The following PER3 variants were observed in gnomAD, a reference collection of about 807,000 sequenced individuals.
The protein encoded by PER3 is period circadian regulator 3.
Under a neutral mutation model 127.2 loss-of-function variants are expected in PER3, and 107 were observed. The observed-to-expected ratio is 0.84, with a 90% CI of 0.72 to 0.99. The LOEUF (loss-of-function observed/expected upper bound fraction) is 0.99. PER3 is among the 50% of genes least tolerant of loss of function. PER3 has a pLI of 0.00. For synonymous variants in PER3, 618 were observed against 585.8 expected, an observed-to-expected ratio of 1.05 and a Z score of -0.79; for missense variants, 1,560 against 1,525.8, an observed-to-expected ratio of 1.02 and a Z score of -0.37.
rs2097078164 is a variant in PER3, at chr1:7,784,915, G to A, written c.38G>A (p.Gly13Glu). 1 of 1,528,310 alleles carries A rather than the reference G, an allele frequency of 6.5e-7. No homozygotes were observed. Among genetic ancestry groups the A allele is most frequent in the African/African-American group, 1.5e-5 (1 of 68,450 alleles). The allele number at this position is 1,528,310 out of a possible 1,614,324, so 94.7% of individuals were successfully genotyped here. A position where few individuals can be genotyped will look rare whatever the true frequency, so the allele number is the denominator to read the frequency against. ...GAAGCTCCTGGCCCCGGGAGACGGG[G>A]GGCTAAGGACGAGGCCCTGGGCGAA... is the stretch of plus-strand genomic sequence containing the variant. ...RGEAPGPGRR[G>E]AKDEALGEES... Residue 13 changes from glycine (G) to glutamate (E), a missense_variant, in exon 2 of 22, where the codon GGG becomes GAG. Transcript: ENST00000377532.
Position 7,843,468 on chromosome 1 carries a change from T to C in PER3, c.*713T>C, listed in dbSNP as rs896374725. Reference sequence around the variant, plus strand: ...TTGTAAGTTTCAGTTAGCATTTGCATGTGTAATATTAAAATGAAAGAGCTT... The same window carrying C: ...TTGTAAGTTTCAGTTAGCATTTGCACGTGTAATATTAAAATGAAAGAGCTT... On this transcript the variant is annotated 3_prime_UTR_variant, in exon 22 of 22. Coordinates refer to ENST00000377532, the MANE Select transcript of PER3 (RefSeq NM_001377275.1). 8 of 152,500 alleles carry C rather than the reference T, an allele frequency of 5.2e-5. 1 individual carries two copies. Among genetic ancestry groups the C allele is most frequent in the African/African-American group, 1.9e-4 (8 of 41,588 alleles). 9.4% of individuals were successfully genotyped at this position (152,500 alleles called of 1,614,324 possible). A position where few individuals can be genotyped will look rare whatever the true frequency, so the allele number is the denominator to read the frequency against.
rs377164941 is a variant in PER3, at chr1:7,820,517, C to T, written c.1834C>T (p.Arg612Trp). ...TAAATCAGAAATGCCAACAAATGGA[C>T]GGTCCATAGACACAGGAGGAGGAGC... Reference protein sequence around the residue: ...IPKSEMPTNGRSIDTGGGAPQ... With the variant: ...IPKSEMPTNGWSIDTGGGAPQ... Residue 612 changes from arginine (R) to tryptophan (W), a missense_variant, in exon 16 of 22, where the codon CGG (arginine) becomes TGG (tryptophan). Arg to Trp is a moderately radical substitution (Grantham distance 101). Around this residue, in one of 3 missense-constraint regions of PER3, gnomAD observed 1,332 missense variants for 1,223.6 expected, o/e 1.09. Transcript: ENST00000377532. 33 of 1,613,802 alleles carry T rather than the reference C, an allele frequency of 2.0e-5. No individual in the cohort carries two copies. The highest frequency in any genetic ancestry group is 3.3e-5 in the Admixed American group (2 of 59,966).
intron 21 of PER3, among the ~76,000 whole-genome samples, chr1:7,837,407 A>G (rs2097363562): frequency 6.6e-6 from 1 of 152,180 alleles, no homozygotes; most frequent in Non-Finnish European, 1.5e-5. Context: ...TTCTTCTACC[A>G]GTTGGAATGT....
intron 6 of PER3, among the ~76,000 whole-genome samples, chr1:7,796,444 A>G (rs228683): frequency 0.97 from 146,588 of 151,710 alleles, 70,840 homozygotes; most frequent in East Asian, 1. Flanking sequence ...TCAGCCTCCC[A>G]AGTAGCTGGG....
At chr1:7,812,603 C>A (rs2097224078) in intron 13 of PER3, among the ~76,000 whole-genome samples, 1 of 111,772 alleles carries the variant, frequency 8.9e-6, no homozygotes, top group Admixed American at 1.3e-4. Context: ...CCAGCCTGGG[C>A]AACAGAGCAA....
In PER3 at chr1:7,827,681, C is replaced by G; in HGVS notation, c.2752C>G (p.Gln918Glu). The G allele has an allele frequency of 1.1e-5, 17 of 1,614,152 alleles. No individual in the cohort carries two copies. The highest frequency in any genetic ancestry group is 1.4e-5 in the Non-Finnish European group (17 of 1,180,030). ...GAGAGAGGAGGAAAAGTGGGAGGCA[C>G]AAAGCGAGGGGCACCCGTTCATTAC... ...QRREEEKWEA[Q>E]SEGHPFITSR... Residue 918 changes from glutamine to glutamate, a missense_variant, in exon 18 of 22, where the codon CAA (glutamine) becomes GAA (glutamate). By Grantham distance (29) the Gln-to-Glu change is conservative (BLOSUM62 2). Around this residue, in one of 3 missense-constraint regions of PER3, gnomAD observed 1,332 missense variants for 1,223.6 expected, o/e 1.09. Coordinates refer to ENST00000377532, the MANE Select transcript of PER3 (RefSeq NM_001377275.1).
At chr1:7,794,033 C>T (rs1240172931) in intron 6 of PER3, 25 bp downstream of exon 6, 2 of 1,587,052 alleles carry the variant, frequency 1.3e-6, no homozygotes, top group Non-Finnish European at 1.7e-6. Flanking sequence ...TCGTGGAAGC[C>T]AGCAACAGTG....
intron 5 of PER3, among the ~76,000 whole-genome samples, chr1:7,789,875 C>A (rs1405013892): frequency 6.6e-6 from 1 of 152,204 alleles, no homozygotes; most frequent in Non-Finnish European, 1.5e-5. Context: ...CATCTCTTTT[C>A]CCATCTTTCA....
intron 19 of PER3, among the ~76,000 whole-genome samples, chr1:7,831,211 T>A (rs2151201995): frequency 1.3e-5 from 2 of 152,350 alleles, no homozygotes; most frequent in Admixed American, 1.3e-4. Flanking sequence ...ATTTTATAAT[T>A]GTTGATGCTA....
chr1:7,786,642 C>A, intron 3 of PER3, 79 bp from the exon 4 acceptor site: 3 of 754,108 alleles, frequency 4.0e-6, no homozygotes, highest in East Asian at 2.5e-5. Context: ...AAAAAATAAT[C>A]CAGCTTGATA....
At chr1:7,807,866 G>A (rs1251079975) in intron 10 of PER3, among the ~76,000 whole-genome samples, 1 of 152,182 alleles carries the variant, frequency 6.6e-6, no homozygotes, top group Non-Finnish European at 1.5e-5. Context: ...TTAATCAGGT[G>A]AAGGAGAAAA....
chr1:7,810,110 C>A, intron 12 of PER3, 89 bp downstream of exon 12: 1 of 1,296,390 alleles, frequency 7.7e-7, no homozygotes, highest in Non-Finnish European at 1.1e-6. Flanking sequence ...AGTATATATT[C>A]CTGACTTGAA....
chr1:7,841,132 A>G (rs2097385342), intron 21 of PER3, among the ~76,000 whole-genome samples: 1 of 152,262 alleles, frequency 6.6e-6, no homozygotes, highest in Non-Finnish European at 1.5e-5. Flanking sequence ...CTAAAAAATA[A>G]TAAATCACTA....
At chr1:7,800,934 T>A (rs1347806223) in intron 7 of PER3, among the ~76,000 whole-genome samples, 179 bp from the exon 8 acceptor site, 1 of 152,198 alleles carries the variant, frequency 6.6e-6, no homozygotes, top group Admixed American at 6.5e-5. Context: ...AAAATGTAGT[T>A]AGTAATGAAA....
intron 5 of PER3, among the ~76,000 whole-genome samples, chr1:7,788,960 C>T (rs985208022): frequency 5.3e-5 from 8 of 151,518 alleles, no homozygotes; most frequent in East Asian, 3.9e-4. Context: ...TTTTCTTGCC[C>T]CTGAAACTTA....
At chr1:7,825,108 GC>G in intron 16 of PER3, among the ~76,000 whole-genome samples, 1 of 151,372 alleles carries the variant, frequency 6.6e-6, no homozygotes, top group Non-Finnish European at 1.5e-5. Context: ...CAGAAGCAAA[GC>G]CCCCTGTGGT....
Position 7,835,739 on chromosome 1 carries a change from T to G in PER3, c.3215-23T>G, listed in dbSNP as rs558802785. ...ATCAGTCGGACAGGTCTTTTCTAAT[T>G]ATGTGTTGTTGATTTTTGACAGGAA... On this transcript the variant is annotated intron_variant, in intron 19 of 21. Transcript: ENST00000377532. The G allele has an allele frequency of 5.8e-6, 9 of 1,560,500 alleles. No homozygotes were observed. The South Asian group carries it at 9.0e-5, about 16-fold the overall frequency.
intron 20 of PER3, among the ~76,000 whole-genome samples, chr1:7,836,409 C>G (rs2097358707): frequency 6.6e-6 from 1 of 152,172 alleles, no homozygotes; most frequent in African/African-American, 2.4e-5. Context: ...GAACTCCTGG[C>G]CTCAGGTGAT....
intron 5 of PER3, 138 bp downstream of exon 5, chr1:7,788,384 C>T (rs1283192568): frequency 4.7e-6 from 3 of 643,000 alleles, no homozygotes; most frequent in Non-Finnish European, 8.1e-6. Flanking sequence ...TAGAAAGTCA[C>T]GTGATGAAAA....
Sources: allele counts gnomAD v4.1 joint callset (sites outside exome capture counted in the v4.1 genomes callset), GRCh38; gene constraint gnomAD v4.1.1; regional missense constraint gnomAD v4.1.1; transcripts MANE v1.5; gene names NCBI Gene and HGNC (gene_info 2026-07-23, HGNC 2026-07-21).